CNTN6: variants seen among roughly 807,000 people sequenced by gnomAD.
CNTN6 encodes contactin-6.
A neutral mutation model predicts 122.8 loss-of-function variants in CNTN6; 137 were observed. That is an observed-to-expected ratio of 1.12 (90% confidence interval 0.97 to 1.29). The LOEUF (loss-of-function observed/expected upper bound fraction) is 1.29, where lower values mean the gene tolerates loss of function less well. Ranked by LOEUF, CNTN6 falls within the 50% of genes most tolerant of loss-of-function variation. The pLI, the probability that CNTN6 is intolerant of heterozygous loss-of-function variation, is 0.00. For missense variants in CNTN6, 1,634 were observed against 1,223.4 expected, an observed-to-expected ratio of 1.34 and a Z score of -5.01; for synonymous variants, 570 against 426.0, an observed-to-expected ratio of 1.34 and a Z score of -4.16.
chr3:1,312,230 T>A (rs1023032226), intron 7 of CNTN6, among the ~76,000 whole-genome samples: 5 of 151,368 alleles, frequency 3.3e-5, no homozygotes, highest in Non-Finnish European at 5.9e-5. Flanking sequence ...TTTTTGAAAA[T>A]TTTTTTTTCA....
chr3:1,257,158 A>C (rs536660083), intron 4 of CNTN6, among the ~76,000 whole-genome samples: 1 of 152,268 alleles, frequency 6.6e-6, no homozygotes, highest in East Asian at 1.9e-4. Flanking sequence ...TTTATTGGCA[A>C]TTTAAAATTA....
intron 7 of CNTN6, among the ~76,000 whole-genome samples, chr3:1,301,904 G>A (rs1370609536): frequency 2.6e-5 from 4 of 152,116 alleles, no homozygotes; most frequent in African/African-American, 9.7e-5. Flanking sequence ...CTTGCCAATA[G>A]TTTTCAGAAA....
At chr3:1,194,689 C>T (rs2093750971) in intron 2 of CNTN6, among the ~76,000 whole-genome samples, 1 of 151,898 alleles carries the variant, frequency 6.6e-6, no homozygotes, top group Admixed American at 6.6e-5. Context: ...CTGTATATAT[C>T]TGTTTATGTA....
At chr3:1,382,516 A>G (rs1355895617) in intron 17 of CNTN6, among the ~76,000 whole-genome samples, 2 of 152,144 alleles carry the variant, frequency 1.3e-5, no homozygotes, top group African/African-American at 2.4e-5. Context: ...TCCATTACAC[A>G]TGTCTTACAA....
chr3:1,374,514 A>C (rs759094299), intron 16 of CNTN6, among the ~76,000 whole-genome samples: 2 of 152,028 alleles, frequency 1.3e-5, no homozygotes, highest in Non-Finnish European at 2.9e-5. Context: ...CAGTAGTATA[A>C]ATTTTTTTCC....
intron 17 of CNTN6, among the ~76,000 whole-genome samples, chr3:1,381,116 G>A (rs1412891736): frequency 6.6e-6 from 1 of 152,004 alleles, no homozygotes; most frequent in Non-Finnish European, 1.5e-5. Context: ...AATTGTACTT[G>A]ACTAACAAAA....
chr3:1,289,188 T>G (rs1402425588), intron 5 of CNTN6, among the ~76,000 whole-genome samples: 1 of 152,128 alleles, frequency 6.6e-6, no homozygotes, highest in East Asian at 1.9e-4. Context: ...GTTTTTTTTT[T>G]CTTTCCCCAT....
At chr3:1,208,535 C>A (rs2093988742) in intron 2 of CNTN6, among the ~76,000 whole-genome samples, 1 of 151,936 alleles carries the variant, frequency 6.6e-6, no homozygotes, top group African/African-American at 2.4e-5. Context: ...TATATTTATA[C>A]TTTTGGTGTA....
chr3:1,114,391 G>T (rs1395014886), intron 1 of CNTN6, among the ~76,000 whole-genome samples: 1 of 152,172 alleles, frequency 6.6e-6, no homozygotes, highest in Non-Finnish European at 1.5e-5. Context: ...GTGTGTGGCA[G>T]AAAAGTAAAG....
intron 1 of CNTN6, among the ~76,000 whole-genome samples, chr3:1,145,694 T>G (rs1445434212): frequency 6.6e-6 from 1 of 152,156 alleles, no homozygotes; most frequent in African/African-American, 2.4e-5. Flanking sequence ...AAGGAGGAAT[T>G]CTATGCAAAT....
At chr3:1,155,382 C>G (rs1019996369) in intron 2 of CNTN6, among the ~76,000 whole-genome samples, 1 of 152,182 alleles carries the variant, frequency 6.6e-6, no homozygotes, top group Non-Finnish European at 1.5e-5. Flanking sequence ...TAGGGATAAA[C>G]CAATATTCCC....
chr3:1,109,401 C>G (rs1269871393), intron 1 of CNTN6, among the ~76,000 whole-genome samples: 1 of 151,874 alleles, frequency 6.6e-6, no homozygotes, highest in African/African-American at 2.4e-5. Flanking sequence ...TTCTTGTTTA[C>G]AATTTACCAA....
chr3:1,246,213 T>C lies in CNTN6; in HGVS notation c.358+18220T>C, dbSNP rs182677909. On this transcript the variant is annotated intron_variant, in intron 4 of 22. Transcript: ENST00000446702. Reference sequence around the variant, plus strand: ...TCCCCTTCTAGTTATGACATCCTCCTTCTGCCTCAAAGATGAGCCATATCT... The same window carrying C: ...TCCCCTTCTAGTTATGACATCCTCCCTCTGCCTCAAAGATGAGCCATATCT... Among the ~76,000 whole-genome samples, 469 of 152,298 alleles carry C rather than the reference T, an allele frequency of 3.1e-3. 1 individual carries two copies. Among genetic ancestry groups the C allele is most frequent in the Middle Eastern group, 0.014 (4 of 294 alleles).
In CNTN6 at chr3:1,235,675, C is replaced by T. The variant is rs184068007; in HGVS notation, c.358+7682C>T. On this transcript the variant is annotated intron_variant, in intron 4 of 22. Transcript: ENST00000446702. ...ATCATACTTTGCCCCAGAAACTACC[C>T]CAGGAACATACCAGGAAAGCCGAGA... 6.6e-5 allele frequency among the ~76,000 whole-genome samples: 10 copies of T among 152,122 alleles called. No individual in the cohort carries two copies. In the East Asian group the frequency reaches 1.6e-3, roughly 24 times the overall value.
At chr3:1,181,402 T>C (rs903644303) in intron 2 of CNTN6, among the ~76,000 whole-genome samples, 1 of 152,210 alleles carries the variant, frequency 6.6e-6, no homozygotes, top group African/African-American at 2.4e-5. Context: ...CATCAAATTA[T>C]GCAAGCTGCT....
chr3:1,132,459 T>G (rs2092361357), intron 1 of CNTN6, among the ~76,000 whole-genome samples: 1 of 151,956 alleles, frequency 6.6e-6, no homozygotes, highest in South Asian at 2.1e-4. Context: ...GTATGGTGGT[T>G]GAAGCCTGTG....
intron 1 of CNTN6, among the ~76,000 whole-genome samples, chr3:1,102,513 C>G (rs12330687): frequency 0.1 from 14,862 of 145,636 alleles, 915 homozygotes; most frequent in African/African-American, 0.17. Context: ...GGCGGATCAC[C>G]AGGTCAGGAG....
chr3:1,212,861 A>C (rs1480158681), intron 2 of CNTN6, among the ~76,000 whole-genome samples: 3 of 152,136 alleles, frequency 2.0e-5, no homozygotes, highest in Non-Finnish European at 4.4e-5. Context: ...GATATTAAAC[A>C]ATTAGTTGAA....
intron 4 of CNTN6, among the ~76,000 whole-genome samples, chr3:1,234,659 G>A: frequency 6.6e-6 from 1 of 152,112 alleles, no homozygotes; most frequent in Non-Finnish European, 1.5e-5. Flanking sequence ...AATTATAAAT[G>A]AAAATGCTAA....
Sources: gnomAD v4.1 joint callset for allele counts (sites outside exome capture counted in the v4.1 genomes callset) on GRCh38, gnomAD v4.1.1 for gene constraint, MANE v1.5 for transcripts, NCBI Gene and HGNC (gene_info 2026-07-23, HGNC 2026-07-21) for gene names.